Variants in HS6ST3 observed in about 807,000 individuals in gnomAD.
HS6ST3 encodes the protein heparan-sulfate 6-O-sulfotransferase 3.
A neutral mutation model predicts 36.7 loss-of-function variants in HS6ST3; 12 were observed. The observed-to-expected ratio is 0.33, with a 90% CI of 0.21 to 0.53. The LOEUF (loss-of-function observed/expected upper bound fraction) is 0.53. Among genes scored for constraint, HS6ST3 ranks in the 20% least tolerant of loss-of-function variants. HS6ST3 has a pLI of 0.95. For missense variants in HS6ST3, 584 were observed against 640.9 expected (o/e 0.91, Z 0.96); for synonymous variants, 240 against 257.5 (o/e 0.93, Z 0.65).
chr13:96,724,907 A>G (rs1947283312), intron 1 of HS6ST3, among the ~76,000 whole-genome samples: 1 of 152,230 alleles, frequency 6.6e-6, no homozygotes, highest in Admixed American at 6.5e-5. Flanking sequence ...ACTGGATCAT[A>G]TAGTAGGCAT....
At chr13:96,347,772 A>T (rs532965744) in intron 1 of HS6ST3, among the ~76,000 whole-genome samples, 1 of 152,186 alleles carries the variant, frequency 6.6e-6, no homozygotes. Flanking sequence ...CACCTATTGG[A>T]TCCCAGTCGA....
At chr13:96,310,398 T>C (rs2054934450) in intron 1 of HS6ST3, among the ~76,000 whole-genome samples, 1 of 152,150 alleles carries the variant, frequency 6.6e-6, no homozygotes, top group African/African-American at 2.4e-5. Context: ...GAGTCTTGGG[T>C]TTGCAGAAGG....
At chr13:96,696,339 T>A (rs1407434894) in intron 1 of HS6ST3, among the ~76,000 whole-genome samples, 3 of 152,204 alleles carry the variant, frequency 2.0e-5, no homozygotes, top group African/African-American at 7.2e-5. Flanking sequence ...AGTCACTAAC[T>A]ACAGGCTTTA....
intron 1 of HS6ST3, among the ~76,000 whole-genome samples, chr13:96,114,722 C>A (rs778990904): frequency 3.3e-5 from 5 of 152,168 alleles, no homozygotes; most frequent in Non-Finnish European, 5.9e-5. Context: ...TATACTGTTG[C>A]TTTTCATAAG....
chr13:96,535,096 G>T (rs574808054), intron 1 of HS6ST3, among the ~76,000 whole-genome samples: 2 of 152,312 alleles, frequency 1.3e-5, no homozygotes, highest in Non-Finnish European at 2.9e-5. Context: ...GTAAGTCATT[G>T]TAGGCAGAGA....
chr13:96,393,542 G>A (rs1472640855), intron 1 of HS6ST3, among the ~76,000 whole-genome samples: 1 of 151,934 alleles, frequency 6.6e-6, no homozygotes, highest in Non-Finnish European at 1.5e-5. Context: ...TATATTTTTG[G>A]CAGTACTTGG....
chr13:96,351,757 G>T (rs1566334559), intron 1 of HS6ST3, among the ~76,000 whole-genome samples: 1 of 152,124 alleles, frequency 6.6e-6, no homozygotes, highest in Non-Finnish European at 1.5e-5. Context: ...AAAGGAGAAA[G>T]AAATAGCTAT....
intron 1 of HS6ST3, among the ~76,000 whole-genome samples, chr13:96,279,370 A>T (rs1232601368): frequency 6.6e-6 from 1 of 152,190 alleles, no homozygotes; most frequent in Non-Finnish European, 1.5e-5. Flanking sequence ...ATATTTTGGT[A>T]AACAAGGTAT....
intron 1 of HS6ST3, among the ~76,000 whole-genome samples, chr13:96,434,411 C>T (rs1035549253): frequency 2.2e-4 from 34 of 152,220 alleles, no homozygotes; most frequent in African/African-American, 8.2e-4. Flanking sequence ...TCCCTTCCTT[C>T]CTTGACTGAT....
At chr13:96,371,437 C>T (rs1429415887) in intron 1 of HS6ST3, among the ~76,000 whole-genome samples, 3 of 152,136 alleles carry the variant, frequency 2.0e-5, no homozygotes, top group Non-Finnish European at 4.4e-5. Flanking sequence ...ACCTATCCAT[C>T]ACCTCACATA....
intron 1 of HS6ST3, among the ~76,000 whole-genome samples, chr13:96,331,256 C>G (rs2055065185): frequency 1.3e-5 from 2 of 152,306 alleles, no homozygotes; most frequent in Admixed American, 1.3e-4. Flanking sequence ...GAGAGGTGCT[C>G]TGCGTTTTAG....
intron 1 of HS6ST3, among the ~76,000 whole-genome samples, chr13:96,200,208 T>C (rs1237625887): frequency 1.3e-5 from 2 of 152,230 alleles, no homozygotes; most frequent in Non-Finnish European, 2.9e-5. Flanking sequence ...GGAATTCTAA[T>C]AGTCAACTCT....
chr13:96,498,526 G>C (rs952318196), intron 1 of HS6ST3, among the ~76,000 whole-genome samples: 1 of 152,092 alleles, frequency 6.6e-6, no homozygotes, highest in Non-Finnish European at 1.5e-5. Flanking sequence ...TCTACCCATA[G>C]TGACCACTCA....
intron 1 of HS6ST3, among the ~76,000 whole-genome samples, chr13:96,688,213 T>TATAATAATA (rs536989647): frequency 0.095 from 7,118 of 74,796 alleles, 364 homozygotes; most frequent in South Asian, 0.13. Flanking sequence ...GAACTTAAAG[T>TATAATAATA]ATAATAATAA....
chr13:96,735,513 A>G (rs1346559909), intron 1 of HS6ST3, among the ~76,000 whole-genome samples: 1 of 152,216 alleles, frequency 6.6e-6, no homozygotes, highest in East Asian at 1.9e-4. Flanking sequence ...TTAAAAACAT[A>G]GGAAGGATAT....
At chr13:96,137,425 C>A (rs1401429020) in intron 1 of HS6ST3, among the ~76,000 whole-genome samples, 1 of 130,632 alleles carries the variant, frequency 7.7e-6, no homozygotes, top group Admixed American at 9.0e-5. Context: ...CCTAGAGGAA[C>A]AATCCTGAAC....
intron 1 of HS6ST3, among the ~76,000 whole-genome samples, chr13:96,203,612 A>C (rs1205901412): frequency 6.6e-6 from 1 of 152,008 alleles, no homozygotes; most frequent in African/African-American, 2.4e-5. Context: ...AGAGCCTCAC[A>C]CCCCCTTCTT....
At chr13:96,477,884 TAA>T (rs142784247) in intron 1 of HS6ST3, among the ~76,000 whole-genome samples, 1 of 150,878 alleles carries the variant, frequency 6.6e-6, no homozygotes, top group Non-Finnish European at 1.5e-5. Context: ...AAAATAAAAA[TAA>T]AAAAAATAAT....
intron 1 of HS6ST3, among the ~76,000 whole-genome samples, chr13:96,352,815 T>C (rs1446490484): frequency 6.6e-6 from 1 of 152,184 alleles, no homozygotes; most frequent in African/African-American, 2.4e-5. Flanking sequence ...GGCATAATTA[T>C]AAGCATTCTG....
Sources: allele counts gnomAD v4.1 joint callset (sites outside exome capture counted in the v4.1 genomes callset), GRCh38; gene constraint gnomAD v4.1.1; transcripts MANE v1.5; gene names NCBI Gene and HGNC (gene_info 2026-07-23, HGNC 2026-07-21).